PCDHGA7: variants seen among roughly 807,000 people sequenced by gnomAD.
The protein encoded by PCDHGA7 is protocadherin gamma-A7.
Under a neutral mutation model 58.3 loss-of-function variants are expected in PCDHGA7, and 44 were observed. That is an observed-to-expected ratio of 0.75 (90% CI 0.59 to 0.97). The LOEUF (loss-of-function observed/expected upper bound fraction) is 0.97, where lower values mean the gene tolerates loss of function less well. PCDHGA7 is among the 50% of genes least tolerant of loss of function. The pLI is 0.00. For missense variants in PCDHGA7, 1,266 were observed against 1,188.7 expected (o/e 1.06, Z -0.96); for synonymous variants, 516 against 504.2 (o/e 1.02, Z -0.31).
intron 1 of PCDHGA7, among the ~76,000 whole-genome samples, chr5:141,446,065 G>T (rs1285093512): frequency 2.0e-5 from 3 of 152,306 alleles, no homozygotes; most frequent in African/African-American, 7.2e-5. Flanking sequence ...GATTAAAGGG[G>T]AGGCAGTGGA....
At chr5:141,454,620 G>T (rs1028840158) in intron 1 of PCDHGA7, among the ~76,000 whole-genome samples, 1 of 151,520 alleles carries the variant, frequency 6.6e-6, no homozygotes, top group East Asian at 1.9e-4. Flanking sequence ...TGGTCAGGCT[G>T]GTCTCGAACC....
intron 1 of PCDHGA7, among the ~76,000 whole-genome samples, chr5:141,401,290 C>T (rs1460193254): frequency 6.6e-6 from 1 of 151,710 alleles, no homozygotes; most frequent in Non-Finnish European, 1.5e-5. Flanking sequence ...TGCGGTGAGC[C>T]GAGATCACTC....
chr5:141,470,019 C>G (rs2099219272), intron 1 of PCDHGA7, among the ~76,000 whole-genome samples: 1 of 152,154 alleles, frequency 6.6e-6, no homozygotes, highest in South Asian at 2.1e-4. Context: ...ATCCCAGCTA[C>G]TCGGGATGCT....
chr5:141,417,899 C>G lies in PCDHGA7; in HGVS notation c.2424+32576C>G, dbSNP rs781294504. On this transcript the variant is annotated intron_variant, in intron 1 of 3. Transcript: ENST00000518325. ...CGCGCAGAGGCGCCGGGCCGGCCCG[C>G]GGCAGGTACTATTTCCTTTGCTGCT... 2.0e-5 allele frequency: 31 copies of G among 1,581,354 alleles called. 2 individuals carry two copies. In the South Asian group the frequency reaches 3.4e-4, roughly 17 times the overall value.
rs1035125527 is a variant in PCDHGA7, at chr5:141,485,059, C to T, written c.2425-9748C>T. The T allele has an allele frequency of 7.0e-6, 6 of 858,958 alleles. No homozygotes were observed. The highest frequency in any genetic ancestry group is 2.4e-5 in the East Asian group (1 of 40,854). 53.2% of individuals were successfully genotyped at this position (858,958 alleles called of 1,614,324 possible). A position where few individuals can be genotyped will look rare whatever the true frequency, so the allele number is the denominator to read the frequency against. ...AACCCTTGCGGCGCCGGCCGAACCG[C>T]GCCAGAGCTGGCGCGGGGAAAGGGA... On this transcript the variant is annotated intron_variant, in intron 1 of 3. Coordinates refer to ENST00000518325, the MANE Select transcript of PCDHGA7 (RefSeq NM_018920.4). This position sits in a 1 kb window ranked among gnomAD's most constrained non-coding sequence, Gnocchi z 5.7.
At chr5:141,446,061 AG>A (rs903957950) in intron 1 of PCDHGA7, among the ~76,000 whole-genome samples, 3 of 152,226 alleles carry the variant, frequency 2.0e-5, no homozygotes, top group African/African-American at 7.2e-5. Context: ...CTTGGATTAA[AG>A]GGGAGGCAGT....
chr5:141,455,822 CCCCTTTTCCTGT>C (rs2098832641), intron 1 of PCDHGA7, among the ~76,000 whole-genome samples: 2 of 151,688 alleles, frequency 1.3e-5, no homozygotes, highest in African/African-American at 4.8e-5. Flanking sequence ...TTCCCAAGGA[CCCCTTTTCCTGT>C]CTATCTGCAT....
rs1207101754 is a variant in PCDHGA7 at position 141,383,307 on chromosome 5, A to G, written c.408A>G (p.Glu136=). ...ACAACGTTCCAAGATTCTTGACGGA[A>G]GAAATAAATGTAAAAATAATGGAGA... ...INDNVPRFLT[E]EINVKIMENT... is the part of the protein sequence containing the mutation. The change falls in exon 1 of 4, where the codon GAA becomes GAG. Residue 136 remains glutamate, a synonymous_variant. Coordinates refer to ENST00000518325, the MANE Select transcript of PCDHGA7 (RefSeq NM_018920.4). 3.1e-6 allele frequency: 5 copies of G among 1,613,874 alleles called. No homozygotes were observed. The highest frequency in any genetic ancestry group is 4.2e-6 in the Non-Finnish European group (5 of 1,179,902).
intron 1 of PCDHGA7, among the ~76,000 whole-genome samples, chr5:141,438,596 A>G (rs1303292978): frequency 2.8e-5 from 1 of 35,176 alleles, no homozygotes; most frequent in Non-Finnish European, 6.2e-5. Context: ...ACATACATAT[A>G]TATATATATA....
intron 1 of PCDHGA7, chr5:141,400,191 A>C (rs781032596): frequency 5.0e-6 from 8 of 1,613,852 alleles, no homozygotes; most frequent in Non-Finnish European, 4.2e-6. Context: ...AGTTTTACCT[A>C]GTGGTGGCCT....
At chr5:141,423,346 G>T in intron 1 of PCDHGA7, 1 of 1,614,214 alleles carries the variant, frequency 6.2e-7, no homozygotes, top group South Asian at 1.1e-5. Context: ...CATCTTCCTG[G>T]TCTTTGTCAT....
At position 141,472,368 on chromosome 5, in the gene PCDHGA7, C is replaced by T. The variant is rs555805048; in HGVS notation, c.2425-22439C>T. ...CATCCTGGCTAACACGGTGAAACCC[C>T]GTCTCCACTAAAAATAGAAAAAATT... is the stretch of plus-strand genomic sequence containing the variant. On this transcript the variant is annotated intron_variant, in intron 1 of 3. Transcript: ENST00000518325. Among the ~76,000 whole-genome samples, 214 of 152,012 alleles carry T rather than the reference C, an allele frequency of 1.4e-3. 1 individual carries two copies. The highest frequency in any genetic ancestry group is 4.8e-3 in the African/African-American group (199 of 41,452).
At chr5:141,394,545 G>A in intron 1 of PCDHGA7, 1 of 1,614,164 alleles carries the variant, frequency 6.2e-7, no homozygotes, top group South Asian at 1.1e-5. Flanking sequence ...CGTGGAGCTG[G>A]CGCCCCGCTC....
chr5:141,414,310 G>C, intron 1 of PCDHGA7: 1 of 1,613,722 alleles, frequency 6.2e-7, no homozygotes, highest in Non-Finnish European at 8.5e-7. Context: ...GCATGATTTA[G>C]ACTCTGAGCA....
chr5:141,401,158 A>AT (rs1314149261), intron 1 of PCDHGA7, among the ~76,000 whole-genome samples: 1 of 152,194 alleles, frequency 6.6e-6, no homozygotes, highest in Non-Finnish European at 1.5e-5. Context: ...CCTGGGCAAT[A>AT]TGGTGAAAAC....
chr5:141,476,421 C>G lies in PCDHGA7; in HGVS notation c.2425-18386C>G. 1 of 1,614,026 alleles carries G rather than the reference C, an allele frequency of 6.2e-7. No homozygotes were observed. Among genetic ancestry groups the G allele is most frequent in the South Asian group, 1.1e-5 (1 of 91,066 alleles). On this transcript the variant is annotated intron_variant, in intron 1 of 3. Transcript: ENST00000518325. The surrounding 1 kb of genome is among the most constrained non-coding windows in gnomAD (Gnocchi z 7.6). ...CGAGAGGAGCTGTGTGGGACACTGC[C>G]CTCTTGCACTGTAACTCTGGAGTTG...
intron 1 of PCDHGA7, chr5:141,408,141 C>G: frequency 1.3e-6 from 2 of 1,492,116 alleles, no homozygotes; most frequent in Non-Finnish European, 1.8e-6. Context: ...GCTCTTTTAG[C>G]GCGGTAGAGT....
At chr5:141,410,425 C>G (rs779212749) in intron 1 of PCDHGA7, 1 of 1,614,030 alleles carries the variant, frequency 6.2e-7, no homozygotes, top group South Asian at 1.1e-5. Flanking sequence ...TAGTTCCCCC[C>G]AACTACAGTG....
chr5:141,441,155 T>A (rs2098229690), intron 1 of PCDHGA7: 1 of 152,230 alleles, frequency 6.6e-6, no homozygotes, highest in East Asian at 1.9e-4. Flanking sequence ...GACAATATCC[T>A]AGAGGCGATT....
Sources: gnomAD v4.1 joint callset for allele counts (sites outside exome capture counted in the v4.1 genomes callset) on GRCh38, gnomAD v4.1.1 for gene constraint, Gnocchi (gnomAD v3.1) non-coding constraint, MANE v1.5 for transcripts, NCBI Gene and HGNC (gene_info 2026-07-23, HGNC 2026-07-21) for gene names.